The following RBFOX3 variants were observed in gnomAD, a reference collection of about 807,000 sequenced individuals.
RBFOX3 encodes RNA binding fox-1 homolog 3, also known as RNA binding protein fox-1 homolog 3.
Under a neutral mutation model 48.7 loss-of-function variants are expected in RBFOX3, and 17 were observed. The ratio of observed to expected loss-of-function variants is 0.35; its 90% CI spans 0.24 to 0.52. The LOEUF is 0.52. Among genes scored for constraint, RBFOX3 ranks in the 20% least tolerant of loss-of-function variants. RBFOX3 has a pLI of 0.94. For synonymous variants in RBFOX3, 212 were observed against 209.5 expected, an observed-to-expected ratio of 1.01 and a Z score of -0.10; for missense variants, 382 against 497.5, an observed-to-expected ratio of 0.77 and a Z score of 2.21.
rs544571341 is a variant in RBFOX3, at chr17:79,143,970, C to A, written c.-33-28222G>T. ...CCATCCTTCCACTGAAGGGTGGCCA[C>A]GAAGGGGGACAGACCTGCTTGGCCG... On this transcript the variant is annotated intron_variant, in intron 4 of 14. Transcript: ENST00000693108. Among the ~76,000 whole-genome samples the A allele has an allele frequency of 2.0e-5, 3 of 152,328 alleles. No individual in the cohort carries two copies. In the East Asian group the frequency reaches 5.8e-4, roughly 29 times the overall value.
rs2077029765 is a variant in RBFOX3 at position 79,471,293 on chromosome 17, G to A, written c.-175+11161C>T. ...CAGCACTGGCCAGGGTGCGACGCTT[G>A]GGGTATTCGCAGGGAAATGAGGGCA... On this transcript the variant is annotated intron_variant, in intron 2 of 14. Transcript: ENST00000693108. This position sits in a 1 kb window ranked among gnomAD's most constrained non-coding sequence, Gnocchi z 4.0. 1.3e-5 allele frequency among the ~76,000 whole-genome samples: 2 copies of A among 152,166 alleles called. No homozygotes were observed. Among genetic ancestry groups the A allele is most frequent in the South Asian group, 4.1e-4 (2 of 4,822 alleles).
chr17:79,435,803 C>A (rs2069323628), intron 2 of RBFOX3, among the ~76,000 whole-genome samples: 1 of 152,218 alleles, frequency 6.6e-6, no homozygotes, highest in South Asian at 2.1e-4. Context: ...CAACAGCCTT[C>A]CAGTCCCCGA....
At chr17:79,251,024 G>A (rs2063870397) in intron 3 of RBFOX3, among the ~76,000 whole-genome samples, 1 of 151,968 alleles carries the variant, frequency 6.6e-6, no homozygotes, top group Non-Finnish European at 1.5e-5. Flanking sequence ...GGCCCGGCTG[G>A]TGTCCCAACC....
At chr17:79,386,127 G>A (rs1227459283) in intron 2 of RBFOX3, among the ~76,000 whole-genome samples, 1 of 148,538 alleles carries the variant, frequency 6.7e-6, no homozygotes, top group Non-Finnish European at 1.5e-5. Flanking sequence ...TCCCATTACA[G>A]AAAGAGGCTC....
At position 79,101,732 on chromosome 17, in the gene RBFOX3, AG is replaced by A. The variant is rs2146478423; in HGVS notation, c.508-89del. 3.4e-6 allele frequency: 4 copies of A among 1,191,700 alleles called. No homozygotes were observed. In the East Asian group the frequency reaches 1.0e-4, roughly 31 times the overall value. The allele number at this position is 1,191,700 out of a possible 1,614,324, so 73.8% of individuals were successfully genotyped here. A position where few individuals can be genotyped will look rare whatever the true frequency, so the allele number is the denominator to read the frequency against. ...CCACTCCTCCCCGCCCTGCTCCGTT[AG>A]CCCCCGGCACCCCCCGCCCCAGCCT... On this transcript the variant is annotated intron_variant, in intron 8 of 14. Coordinates refer to ENST00000693108, the MANE Select transcript of RBFOX3 (RefSeq NM_001350451.2).
chr17:79,162,195 G>T (rs1224347494), intron 4 of RBFOX3, among the ~76,000 whole-genome samples: 1 of 152,206 alleles, frequency 6.6e-6, no homozygotes, highest in Non-Finnish European at 1.5e-5. Context: ...GCATTAGAAG[G>T]GAATTGAATT....
intron 2 of RBFOX3, among the ~76,000 whole-genome samples, chr17:79,359,010 C>T (rs1412302540): frequency 6.6e-6 from 1 of 152,236 alleles, no homozygotes; most frequent in Non-Finnish European, 1.5e-5. Flanking sequence ...CCACACCCAG[C>T]CCAGGGAGGC....
intron 6 of RBFOX3, among the ~76,000 whole-genome samples, chr17:79,105,181 C>A (rs1282947528): frequency 1.3e-5 from 2 of 152,308 alleles, no homozygotes; most frequent in East Asian, 3.9e-4. Flanking sequence ...CCCAGTGGGG[C>A]CAGACAGCAA....
At position 79,423,062 on chromosome 17, in the gene RBFOX3, G is replaced by A. The variant is rs1039337333; in HGVS notation, c.-175+59392C>T. Among the ~76,000 whole-genome samples the A allele has an allele frequency of 7.2e-5, 11 of 152,244 alleles. No individual in the cohort carries two copies. The South Asian group carries it at 8.3e-4, about 11-fold the overall frequency. On this transcript the variant is annotated intron_variant, in intron 2 of 14. Coordinates refer to ENST00000693108, the MANE Select transcript of RBFOX3 (RefSeq NM_001350451.2). The surrounding 1 kb of genome is among the most constrained non-coding windows in gnomAD (Gnocchi z 4.9). ...CCTGCGACGGGACTTCGGGTGCCCC[G>A]TGTGCCACGAACTCCCCTCTTTCTG...
rs761103426 is a variant in RBFOX3 at position 79,477,964 on chromosome 17, C to T, written c.-175+4490G>A. ...CTGTTCCACCCAGGAGCACCTAGGA[C>T]GAGCTCCTGCAAAAGGAATGCATTC... On this transcript the variant is annotated intron_variant, in intron 2 of 14. Coordinates refer to ENST00000693108, the MANE Select transcript of RBFOX3 (RefSeq NM_001350451.2). The surrounding 1 kb of genome is among the most constrained non-coding windows in gnomAD (Gnocchi z 4.8). Among the ~76,000 whole-genome samples, 3 of 152,166 alleles carry T rather than the reference C, an allele frequency of 2.0e-5. No homozygotes were observed. The highest frequency in any genetic ancestry group is 1.9e-4 in the East Asian group (1 of 5,170).
chr17:79,165,925 G>GCGA (rs1003201474), intron 4 of RBFOX3, among the ~76,000 whole-genome samples: 6 of 152,236 alleles, frequency 3.9e-5, no homozygotes, highest in Non-Finnish European at 8.8e-5. Flanking sequence ...ACACGCGGCG[G>GCGA]GGTTGCTGAG....
rs2065887025 is a variant in RBFOX3 at position 79,419,411 on chromosome 17, G to C, written c.-175+63043C>G. Among the ~76,000 whole-genome samples the C allele has an allele frequency of 2.0e-5, 3 of 152,200 alleles. No individual in the cohort carries two copies. In the South Asian group the frequency reaches 6.2e-4, roughly 32 times the overall value. On this transcript the variant is annotated intron_variant, in intron 2 of 14. Transcript: ENST00000693108. ...AGACCTACGTCTTGGCAGGGTTCTT[G>C]CAGATGCAGGAGGTCAAACAGGAGC...
rs1299099626 is a variant in RBFOX3 at position 79,579,063 on chromosome 17, C to G, written c.-320+31763G>C. 6.6e-5 allele frequency among the ~76,000 whole-genome samples: 10 copies of G among 152,324 alleles called. No homozygotes were observed. In the East Asian group the frequency reaches 1.7e-3, roughly 26 times the overall value. On this transcript the variant is annotated intron_variant, in intron 1 of 14. Transcript: ENST00000693108. The stretch of plus-strand genomic sequence containing the variant: ...CTCCCATGCGTCTCCGTCGCGTTCC[C>G]TCTTCCCTTCTGAACAGGACGGGCC...
chr17:79,396,080 T>G (rs1020335022), intron 2 of RBFOX3, among the ~76,000 whole-genome samples: 14 of 152,194 alleles, frequency 9.2e-5, no homozygotes, highest in African/African-American at 3.1e-4. Flanking sequence ...TCCCCAGAAC[T>G]CTGAGCATCT....
intron 2 of RBFOX3, among the ~76,000 whole-genome samples, chr17:79,464,189 A>G (rs549576751): frequency 6.6e-6 from 1 of 152,378 alleles, no homozygotes; most frequent in Admixed American, 6.5e-5. Flanking sequence ...GGCCTCTGCG[A>G]AACGGGCGCA....
At position 79,092,987 on chromosome 17, in the gene RBFOX3, T is replaced by TTA. The variant is rs1178035411; in HGVS notation, c.1077+1463_1077+1464insTA. Among the ~76,000 whole-genome samples, 101 of 152,196 alleles carry TTA rather than the reference T, an allele frequency of 6.6e-4. 1 individual carries two copies. Among genetic ancestry groups the TTA allele is most frequent in the African/African-American group, 2.4e-3 (99 of 41,496 alleles). On this transcript the variant is annotated intron_variant, in intron 14 of 14. Transcript: ENST00000693108. ...GGGTCCCAGCTTGAGCCCCACCTCC[T>TTA]CGCACCCCAGCAGGGTGGCACGGGG...
chr17:79,356,348 G>GTTTTT lies in RBFOX3; in HGVS notation c.-174-48529_-174-48525dup, dbSNP rs58040659. Among the ~76,000 whole-genome samples the GTTTTT allele has an allele frequency of 1.5e-4, 7 of 47,270 alleles. 2 individuals carry two copies. Among genetic ancestry groups the GTTTTT allele is most frequent in the South Asian group, 9.0e-4 (1 of 1,106 alleles). 31.0% of individuals were successfully genotyped at this position (47,270 alleles called of 152,430 possible). On this transcript the variant is annotated intron_variant, in intron 2 of 14. Transcript: ENST00000693108. ...ACTTTTTCACTTTTAAAACAGGGAA[G>GTTTTT]TTTTTTTTTTTTTTTTTTTTTTTTT...
At chr17:79,657,641 T>G in the RBFOX3 span, among the ~76,000 whole-genome samples, 1 of 152,138 alleles carries the variant, frequency 6.6e-6, no homozygotes, top group Non-Finnish European at 1.5e-5. Flanking sequence ...ATCGTGCCGT[T>G]GCTCTCCAGC....
intron 5 of RBFOX3, among the ~76,000 whole-genome samples, chr17:79,115,174 C>G (rs2033518411): frequency 6.6e-6 from 1 of 152,192 alleles, no homozygotes; most frequent in Non-Finnish European, 1.5e-5. Flanking sequence ...TGAGTGTTTG[C>G]TCGAAGCAGG....
Sources: allele counts gnomAD v4.1 joint callset (sites outside exome capture counted in the v4.1 genomes callset), GRCh38; gene constraint gnomAD v4.1.1; non-coding constraint Gnocchi (gnomAD v3.1); transcripts MANE v1.5; gene names NCBI Gene and HGNC (gene_info 2026-07-23, HGNC 2026-07-21).